Variants in MIER3 observed in about 807,000 individuals in gnomAD.
MIER3 encodes the protein MIER family member 3.
Under a neutral mutation model 63.2 loss-of-function variants are expected in MIER3, and 9 were observed. The ratio of observed to expected loss-of-function variants is 0.14; its 90% CI spans 0.09 to 0.25. The LOEUF (loss-of-function observed/expected upper bound fraction) is 0.25. Ranked by LOEUF, MIER3 falls within the 10% of genes least tolerant of loss-of-function variation. The pLI, the probability that MIER3 is intolerant of heterozygous loss-of-function variation, is 1.00. For synonymous variants in MIER3, 205 were observed against 224.9 expected, an observed-to-expected ratio of 0.91 and a Z score of 0.79; for missense variants, 512 against 666.2, an observed-to-expected ratio of 0.77 and a Z score of 2.55.
intron 7 of MIER3, among the ~76,000 whole-genome samples, 188 bp downstream of exon 7, chr5:56,935,240 G>T (rs1156613288): frequency 6.6e-6 from 1 of 152,022 alleles, no homozygotes; most frequent in African/African-American, 2.4e-5. Context: ...GGGGGTGGGG[G>T]GAAACTCTGA....
At chr5:56,942,460 G>A (rs963747305) in intron 3 of MIER3, among the ~76,000 whole-genome samples, 2 of 152,196 alleles carry the variant, frequency 1.3e-5, no homozygotes, top group African/African-American at 4.8e-5. Flanking sequence ...AGTCTAAATG[G>A]ATTGCCAGAT....
At position 56,923,188 on chromosome 5, in the gene MIER3, C is replaced by G; in HGVS notation, c.1593G>C (p.Glu531Asp). The change falls in exon 13 of 13, where the codon GAG (glutamate) becomes GAC (aspartate). Residue 531 changes from glutamate to aspartate, a missense_variant. Coordinates refer to ENST00000381199, the MANE Select transcript of MIER3 (RefSeq NM_001297599.2). ...VADFGSLSAN[E>D]TNGFISAHAL... is the part of the protein sequence containing the mutation. ...CATGGGCACTGATGAAACCATTGGT[C>G]TCGTTGGCAGAGAGACTGCCAAAGT... is the stretch of plus-strand genomic sequence containing the variant. 1 of 1,614,012 alleles carries G rather than the reference C, an allele frequency of 6.2e-7. No homozygotes were observed. Among genetic ancestry groups the G allele is most frequent in the East Asian group, 2.2e-5 (1 of 44,870 alleles).
At chr5:56,952,026 C>CG (rs1751055055) in intron 1 of MIER3, 68 bp downstream of exon 1, 3 of 1,229,196 alleles carry the variant, frequency 2.4e-6, no homozygotes, top group Admixed American at 7.5e-5. Context: ...CAGGCTGGCT[C>CG]GGGGGTCGCG....
At chr5:56,949,945 AC>A (rs1441830465) in intron 2 of MIER3, among the ~76,000 whole-genome samples, 1 of 152,150 alleles carries the variant, frequency 6.6e-6, no homozygotes, top group Admixed American at 6.5e-5. Flanking sequence ...GATTCTACAA[AC>A]CCCAGATTGT....
intron 3 of MIER3, among the ~76,000 whole-genome samples, 163 bp from the exon 4 acceptor site, chr5:56,939,180 C>T (rs1485804883): frequency 1.3e-5 from 2 of 152,198 alleles, no homozygotes; most frequent in Admixed American, 6.5e-5. Flanking sequence ...GAAAACAGGA[C>T]CAAACACCTG....
intron 11 of MIER3, 22 bp from the exon 12 acceptor site, chr5:56,923,855 T>G (rs1749815391): frequency 4.3e-6 from 7 of 1,614,088 alleles, no homozygotes; most frequent in Non-Finnish European, 5.1e-6. Context: ...ACCCCAGTAA[T>G]TTTATGACTA....
At chr5:56,928,999 ACACACACTCTCTCTCTCTCTCTCT>A in intron 9 of MIER3, 138 bp from the exon 10 acceptor site, 5 of 555,354 alleles carry the variant, frequency 9.0e-6, no homozygotes, top group African/African-American at 3.8e-5. Context: ...TCTCACACAC[ACACACACTCTCTCTCTCTCTCTCT>A]CTCTGTATGC....
At chr5:56,940,791 T>C (rs1033177766) in intron 3 of MIER3, among the ~76,000 whole-genome samples, 1 of 152,194 alleles carries the variant, frequency 6.6e-6, no homozygotes, top group African/African-American at 2.4e-5. Flanking sequence ...AAGAATCCAT[T>C]GAAGCTAACA....
chr5:56,950,478 C>A, intron 2 of MIER3, 150 bp downstream of exon 2: 1 of 817,382 alleles, frequency 1.2e-6, no homozygotes. Context: ...TGTTTCTTCC[C>A]CAAACTTTAC....
intron 1 of MIER3, among the ~76,000 whole-genome samples, chr5:56,951,732 C>G (rs1751040612): frequency 1.4e-5 from 2 of 138,462 alleles, no homozygotes; most frequent in South Asian, 4.4e-4. Context: ...CCCACCCGGG[C>G]CCGGGGAAGA....
At position 56,935,695 on chromosome 5, in the gene MIER3, T is replaced by C. The variant is rs1448461436; in HGVS notation, c.493A>G (p.Ser165Gly). The change falls in exon 6 of 13, where the codon AGT becomes GGT. Residue 165 changes from serine (S) to glycine (G), a missense_variant. Ser to Gly is a moderately conservative substitution (Grantham distance 56). Transcript: ENST00000381199. Reference protein sequence around the residue: ...ESEVEDVETDSGNSPEDLRKE... With the variant: ...ESEVEDVETDGGNSPEDLRKE... ...CTCAAATCTTCAGGTGAATTACCAC[T>C]GTCTGTTTCAACATCTTCAACCTCT... The C allele has an allele frequency of 6.2e-7, 1 of 1,614,008 alleles. No homozygotes were observed. Among genetic ancestry groups the C allele is most frequent in the Admixed American group, 1.7e-5 (1 of 60,008 alleles).
At chr5:56,951,323 C>T (rs1409673801) in intron 1 of MIER3, among the ~76,000 whole-genome samples, 3 of 152,064 alleles carry the variant, frequency 2.0e-5, no homozygotes, top group Non-Finnish European at 4.4e-5. Context: ...AGCCCAGGGG[C>T]TCCTGCCACA....
intron 10 of MIER3, among the ~76,000 whole-genome samples, chr5:56,924,887 T>G (rs16886497): frequency 6.6e-6 from 1 of 152,208 alleles, no homozygotes; most frequent in South Asian, 2.1e-4. Flanking sequence ...ATTACTAATA[T>G]GGGAATAAGC....
chr5:56,927,970 T>C (rs181992604), intron 10 of MIER3: 2 of 152,342 alleles, frequency 1.3e-5, no homozygotes, highest in Non-Finnish European at 2.9e-5. Flanking sequence ...AGCTACAGTA[T>C]AGAGTCTTTT....
rs909390532 is a variant in MIER3 at position 56,939,118 on chromosome 5, C to G, written c.181-101G>C. 3.0e-5 allele frequency: 38 copies of G among 1,280,748 alleles called. No homozygotes were observed. The African/African-American group carries it at 4.9e-4, about 17-fold the overall frequency. 79.3% of individuals were successfully genotyped at this position (1,280,748 alleles called of 1,614,324 possible). Reference sequence around the variant, plus strand: ...AGGTTCAGAAAGCACATTATCAAAACAGCAGAACAAATCAAAGGCAAGTTT... The same window carrying G: ...AGGTTCAGAAAGCACATTATCAAAAGAGCAGAACAAATCAAAGGCAAGTTT... On this transcript the variant is annotated intron_variant, in intron 3 of 12. Transcript: ENST00000381199.
At chr5:56,930,958 T>C (rs79411885) in intron 8 of MIER3, among the ~76,000 whole-genome samples, 4 of 152,272 alleles carry the variant, frequency 2.6e-5, no homozygotes, top group Non-Finnish European at 5.9e-5. Context: ...TTCATCCTCA[T>C]GCTACCTCTC....
At chr5:56,933,863 A>G (rs962414427) in intron 7 of MIER3, among the ~76,000 whole-genome samples, 2 of 152,136 alleles carry the variant, frequency 1.3e-5, no homozygotes, top group African/African-American at 4.8e-5. Flanking sequence ...AATACCTAAG[A>G]AGGGTATACT....
intron 4 of MIER3, chr5:56,938,191 G>A: frequency 2.2e-6 from 1 of 463,942 alleles, no homozygotes; most frequent in Non-Finnish European, 4.5e-6. Context: ...CTTGTGCCTA[G>A]CACAAAGTAG....
chr5:56,949,494 C>T (rs1046575783), intron 2 of MIER3, among the ~76,000 whole-genome samples: 3 of 152,142 alleles, frequency 2.0e-5, no homozygotes, highest in Non-Finnish European at 2.9e-5. Context: ...TATATATTTT[C>T]CTAAAATCAG....
Sources: allele counts gnomAD v4.1 joint callset (sites outside exome capture counted in the v4.1 genomes callset), GRCh38; gene constraint gnomAD v4.1.1; transcripts MANE v1.5; gene names NCBI Gene and HGNC (gene_info 2026-07-23, HGNC 2026-07-21).